TENM2: variants seen among roughly 807,000 people sequenced by gnomAD.
The protein encoded by TENM2 is teneurin transmembrane protein 2, also known as teneurin-2.
In TENM2, 52 loss-of-function variants were observed where a neutral mutation model predicts 245.2. The ratio of observed to expected loss-of-function variants is 0.21; its 90% CI spans 0.17 to 0.27. TENM2 has a LOEUF of 0.27. Ranked by LOEUF, TENM2 falls within the 10% of genes least tolerant of loss-of-function variation. The pLI is 1.00. For synonymous variants in TENM2, 1,363 were observed against 1,438.9 expected, an observed-to-expected ratio of 0.95 and a Z score of 1.19; for missense variants, 3,046 against 3,666.8, an observed-to-expected ratio of 0.83 and a Z score of 4.37.
chr5:167,222,000 G>A, the TENM2 span, among the ~76,000 whole-genome samples: 196 of 152,160 alleles, frequency 1.3e-3, 1 homozygote, highest in Admixed American at 3.9e-3. Flanking sequence ...AAAATTTGCC[G>A]CATAGCTCAA....
the TENM2 span, among the ~76,000 whole-genome samples, chr5:167,101,140 A>T: frequency 2.6e-4 from 39 of 152,294 alleles, 1 homozygote; most frequent in South Asian, 7.5e-3. Flanking sequence ...CAGTTGATGA[A>T]TTTGATTTAT....
At chr5:167,513,374 GA>G (rs1398473329) in intron 2 of TENM2, among the ~76,000 whole-genome samples, 1 of 152,128 alleles carries the variant, frequency 6.6e-6, no homozygotes, top group Non-Finnish European at 1.5e-5. Context: ...TCGGTAAAAG[GA>G]AACAGTAAAT....
chr5:167,509,917 A>G (rs1390892766), intron 2 of TENM2, among the ~76,000 whole-genome samples: 1 of 152,206 alleles, frequency 6.6e-6, no homozygotes, highest in East Asian at 1.9e-4. Flanking sequence ...GATAAATTCA[A>G]TGATAGAACA....
chr5:168,229,916 G>GGGC (rs1764683613), intron 25 of TENM2: 1 of 152,220 alleles, frequency 6.6e-6, no homozygotes. Flanking sequence ...CTGGATTTCA[G>GGGC]GGCTGTGTAA....
chr5:167,843,096 A>G (rs1474660459), intron 2 of TENM2, among the ~76,000 whole-genome samples: 3 of 152,170 alleles, frequency 2.0e-5, no homozygotes, highest in African/African-American at 7.2e-5. Flanking sequence ...TTTGCCTGCC[A>G]TTGTGTCCTC....
intron 2 of TENM2, among the ~76,000 whole-genome samples, chr5:167,401,687 T>A (rs1442575846): frequency 6.6e-6 from 1 of 152,186 alleles, no homozygotes; most frequent in Admixed American, 6.5e-5. Flanking sequence ...AATAATATTT[T>A]TAAATCTAAG....
intron 2 of TENM2, among the ~76,000 whole-genome samples, chr5:167,744,459 A>C (rs1049433518): frequency 1.1e-4 from 16 of 152,220 alleles, no homozygotes; most frequent in African/African-American, 3.4e-4. Flanking sequence ...CTGCAGTGAG[A>C]GAGGCCAGAC....
intron 2 of TENM2, among the ~76,000 whole-genome samples, chr5:167,664,130 T>C (rs1351898426): frequency 2.0e-5 from 3 of 152,260 alleles, no homozygotes; most frequent in Non-Finnish European, 2.9e-5. Flanking sequence ...ATTCCATCCT[T>C]GTAGAGAAAT....
chr5:168,101,714 C>A (rs1295732121), intron 9 of TENM2, among the ~76,000 whole-genome samples: 1 of 152,202 alleles, frequency 6.6e-6, no homozygotes, highest in Non-Finnish European at 1.5e-5. Context: ...AGCTGTTGCA[C>A]ACAGTGGACA....
At chr5:167,589,604 T>C (rs1775743927) in intron 2 of TENM2, among the ~76,000 whole-genome samples, 1 of 152,052 alleles carries the variant, frequency 6.6e-6, no homozygotes, top group Admixed American at 6.6e-5. Context: ...TTTCAGAAAA[T>C]TTGGAAAATT....
the TENM2 span, among the ~76,000 whole-genome samples, chr5:167,028,798 A>G: frequency 2.0e-5 from 3 of 152,222 alleles, no homozygotes; most frequent in Non-Finnish European, 4.4e-5. Flanking sequence ...GGTTTCATCT[A>G]TGAGGTTGTT....
the TENM2 span, among the ~76,000 whole-genome samples, chr5:167,266,416 G>A: frequency 6.6e-6 from 1 of 152,122 alleles, no homozygotes; most frequent in Admixed American, 6.6e-5. Context: ...TAATAAGGAA[G>A]CTGTACATAG....
chr5:168,260,993 G>T (rs1046144936), intron 28 of TENM2, among the ~76,000 whole-genome samples: 1 of 152,112 alleles, frequency 6.6e-6, no homozygotes, highest in African/African-American at 2.4e-5. Context: ...CAGAACCGGC[G>T]CTCAGCACTA....
At chr5:168,147,498 C>G (rs1230774039) in intron 12 of TENM2, among the ~76,000 whole-genome samples, 2 of 152,218 alleles carry the variant, frequency 1.3e-5, no homozygotes, top group African/African-American at 4.8e-5. Flanking sequence ...ATACCTATGA[C>G]ACTATACATA....
At chr5:168,253,128 A>T (rs1237484067) in intron 27 of TENM2, among the ~76,000 whole-genome samples, 1 of 151,544 alleles carries the variant, frequency 6.6e-6, no homozygotes, top group Non-Finnish European at 1.5e-5. Context: ...AACCACGCCC[A>T]GCTAATTTTT....
At chr5:167,575,118 GA>G (rs70976436) in intron 2 of TENM2, among the ~76,000 whole-genome samples, 229 of 132,360 alleles carry the variant, frequency 1.7e-3, no homozygotes, top group African/African-American at 5.5e-3. Flanking sequence ...ATTTGAGAAA[GA>G]AAAAAAAAAA....
At chr5:167,829,769 G>C (rs567331187) in intron 2 of TENM2, among the ~76,000 whole-genome samples, 127 of 152,302 alleles carry the variant, frequency 8.3e-4, no homozygotes, top group Middle Eastern at 3.4e-3. Context: ...CAGTTGGTCT[G>C]ATACTAGAAC....
intron 25 of TENM2, chr5:168,240,924 G>A (rs2152678224): frequency 6.6e-6 from 1 of 152,222 alleles, no homozygotes; most frequent in East Asian, 1.9e-4. Flanking sequence ...AAGAATGATG[G>A]TGGCCTTCCG....
At chr5:168,121,672 A>G (rs967160890) in intron 10 of TENM2, among the ~76,000 whole-genome samples, 4 of 152,020 alleles carry the variant, frequency 2.6e-5, no homozygotes, top group African/African-American at 9.7e-5. Flanking sequence ...TCATTTTTTT[A>G]GTGTATTACT....
Sources: gnomAD v4.1 joint callset for allele counts (sites outside exome capture counted in the v4.1 genomes callset) on GRCh38, gnomAD v4.1.1 for gene constraint, MANE v1.5 for transcripts, NCBI Gene and HGNC (gene_info 2026-07-23, HGNC 2026-07-21) for gene names.